Variants in LYST observed in about 807,000 individuals in gnomAD.
The protein encoded by LYST is lysosomal-trafficking regulator.
In LYST, 192 loss-of-function variants were observed where a neutral mutation model predicts 413.6. The ratio of observed to expected loss-of-function variants is 0.46; its 90% CI spans 0.41 to 0.52. The LOEUF (loss-of-function observed/expected upper bound fraction) is 0.52. Among genes scored for constraint, LYST ranks in the 20% least tolerant of loss-of-function variants. The pLI, the probability that LYST is intolerant of heterozygous loss-of-function variation, is 0.00. For synonymous variants in LYST, 1,525 were observed against 1,567.3 expected, an observed-to-expected ratio of 0.97 and a Z score of 0.64; for missense variants, 3,815 against 4,499.9, an observed-to-expected ratio of 0.85 and a Z score of 4.35.
intron 10 of LYST, among the ~76,000 whole-genome samples, chr1:235,796,330 A>G (rs1428028814): frequency 6.6e-6 from 1 of 152,204 alleles, no homozygotes; most frequent in South Asian, 2.1e-4. Context: ...GTTAAGAAAC[A>G]GCATAAAGAA....
chr1:235,872,803 C>G (rs1002130403), intron 1 of LYST, among the ~76,000 whole-genome samples: 2 of 152,080 alleles, frequency 1.3e-5, no homozygotes, highest in Non-Finnish European at 2.9e-5. Flanking sequence ...GTAGTCCCAG[C>G]TACTCAGGAG....
chr1:235,816,877 ATGGGAC>A (rs1474622564), intron 3 of LYST, among the ~76,000 whole-genome samples: 1 of 152,242 alleles, frequency 6.6e-6, no homozygotes, highest in East Asian at 1.9e-4. Context: ...AAATTGACAA[ATGGGAC>A]TTAATTAAAG....
intron 1 of LYST, among the ~76,000 whole-genome samples, chr1:235,836,563 C>G (rs894374218): frequency 2.6e-5 from 4 of 151,958 alleles, no homozygotes; most frequent in Non-Finnish European, 5.9e-5. Context: ...GCTGGATGTA[C>G]GGGATATTGA....
At chr1:235,673,757 C>A (rs567319368) in intron 50 of LYST, among the ~76,000 whole-genome samples, 1 of 152,206 alleles carries the variant, frequency 6.6e-6, no homozygotes, top group South Asian at 2.1e-4. Context: ...CTTCCCCAAG[C>A]CCATCCAATC....
chr1:235,753,275 C>A lies in LYST; in HGVS notation c.7230-1G>T. ...GTTTCTCACATCTTCCAGATCAAATCTATAATAAATAATACAGTTAAGAGC... is the reference window on the plus strand; with the variant it reads ...GTTTCTCACATCTTCCAGATCAAATATATAATAAATAATACAGTTAAGAGC... On this transcript the variant is annotated splice_acceptor_variant, in intron 25 of 52. Coordinates refer to ENST00000389793, the MANE Select transcript of LYST (RefSeq NM_000081.4). LOFTEE classifies it high-confidence loss of function. 6.5e-7 allele frequency: 1 copy of A among 1,534,724 alleles called. No individual in the cohort carries two copies. Among genetic ancestry groups the A allele is most frequent in the South Asian group, 1.1e-5 (1 of 89,324 alleles).
chr1:235,755,428 GAAA>G (rs753101023), intron 25 of LYST, 47 bp downstream of exon 25: 3 of 1,228,236 alleles, frequency 2.4e-6, no homozygotes, highest in African/African-American at 3.4e-5. Context: ...GAAAAGAAAA[GAAA>G]AAAGACAAAA....
intron 21 of LYST, among the ~76,000 whole-genome samples, chr1:235,764,490 CTTTTCTTTTTTTT>C (rs1667915862): frequency 7.6e-6 from 1 of 132,056 alleles, no homozygotes; most frequent in African/African-American, 2.9e-5. Context: ...CTTTTTTTTT[CTTTTCTTTTTTTT>C]TTTTTTTTTT....
chr1:235,841,315 A>T (rs1318839099), intron 1 of LYST, among the ~76,000 whole-genome samples: 1 of 151,172 alleles, frequency 6.6e-6, no homozygotes, highest in Non-Finnish European at 1.5e-5. Flanking sequence ...AGGTTAAGGA[A>T]TTTTTTTTTT....
intron 39 of LYST, among the ~76,000 whole-genome samples, chr1:235,723,586 A>C (rs183939471): frequency 7.8e-4 from 119 of 152,334 alleles, no homozygotes; most frequent in African/African-American, 2.8e-3. Flanking sequence ...GGGACAAAGA[A>C]AGATTATGAC....
chr1:235,814,611 G>T (rs551468957), intron 3 of LYST, among the ~76,000 whole-genome samples: 1 of 152,218 alleles, frequency 6.6e-6, no homozygotes, highest in South Asian at 2.1e-4. Flanking sequence ...CATGATGGCC[G>T]AAAAGCATTT....
intron 4 of LYST, among the ~76,000 whole-genome samples, chr1:235,812,099 T>A (rs1230441524): frequency 6.6e-6 from 1 of 152,164 alleles, no homozygotes; most frequent in African/African-American, 2.4e-5. Flanking sequence ...CAATGAAACA[T>A]TTAAAGTTTC....
At chr1:235,712,655 A>G (rs1662487073) in intron 42 of LYST, 1 of 984,942 alleles carries the variant, frequency 1.0e-6, no homozygotes. Context: ...AATTGTTAAG[A>G]CTACTTTTTC....
At chr1:235,671,244 A>G (rs946997288) in intron 50 of LYST, among the ~76,000 whole-genome samples, 9 of 152,170 alleles carry the variant, frequency 5.9e-5, no homozygotes, top group Non-Finnish European at 8.8e-5. Flanking sequence ...AGCCCAAAGT[A>G]CCTGTTTTTA....
intron 21 of LYST, 103 bp downstream of exon 21, chr1:235,765,976 A>G: frequency 1.1e-6 from 1 of 893,572 alleles, no homozygotes; most frequent in East Asian, 2.4e-5. Flanking sequence ...ATGTAATTAG[A>G]GCAGCACAGA....
chr1:235,791,223 A>T (rs1348782352), intron 12 of LYST, among the ~76,000 whole-genome samples: 1 of 152,148 alleles, frequency 6.6e-6, no homozygotes. Flanking sequence ...CGGAGGTTGC[A>T]GTGAGCCGAG....
Position 235,691,697 on chromosome 1 carries a change from C to CTTTTTTT in LYST, c.10701+1652_10701+1653insAAAAAAA, listed in dbSNP as rs774558822. On this transcript the variant is annotated intron_variant, in intron 47 of 52. Coordinates refer to ENST00000389793, the MANE Select transcript of LYST (RefSeq NM_000081.4). ...GTAAGTACTATAAACATCAGATTCT[C>CTTTTTTT]TCTTTTTTTTTTTTTTGAGATGGAG... Among the ~76,000 whole-genome samples, 128 of 138,144 alleles carry CTTTTTTT rather than the reference C, an allele frequency of 9.3e-4. 13 individuals carry two copies. Among genetic ancestry groups the CTTTTTTT allele is most frequent in the Non-Finnish European group, 1.0e-3 (66 of 65,024 alleles). 90.6% of individuals were successfully genotyped at this position (138,144 alleles called of 152,430 possible). A position where few individuals can be genotyped will look rare whatever the true frequency, so the allele number is the denominator to read the frequency against.
At chr1:235,695,701 T>G (rs956641903) in intron 46 of LYST, among the ~76,000 whole-genome samples, 5 of 149,998 alleles carry the variant, frequency 3.3e-5, no homozygotes, top group African/African-American at 1.2e-4. Flanking sequence ...GGTGCGATCT[T>G]GGCTCACTGC....
At chr1:235,772,138 C>T (rs527897854) in intron 19 of LYST, among the ~76,000 whole-genome samples, 43 of 151,820 alleles carry the variant, frequency 2.8e-4, no homozygotes, top group Admixed American at 5.2e-4. Context: ...GGTAGGAGGA[C>T]CACTTGAACC....
intron 50 of LYST, among the ~76,000 whole-genome samples, chr1:235,672,485 G>GT (rs1385945689): frequency 6.6e-6 from 1 of 152,130 alleles, no homozygotes; most frequent in African/African-American, 2.4e-5. Flanking sequence ...CAAAAGGGAG[G>GT]TAGTATTGAA....
Sources: allele counts gnomAD v4.1 joint callset (sites outside exome capture counted in the v4.1 genomes callset), GRCh38; gene constraint gnomAD v4.1.1; transcripts MANE v1.5; gene names NCBI Gene and HGNC (gene_info 2026-07-23, HGNC 2026-07-21).